The following TRIM34 variants were observed in gnomAD, a reference collection of about 807,000 sequenced individuals.
TRIM34 encodes the protein tripartite motif containing 34.
A neutral mutation model predicts 38.1 loss-of-function variants in TRIM34; 41 were observed. The observed-to-expected ratio is 1.08, with a 90% CI of 0.84 to 1.40. TRIM34 has a LOEUF of 1.40. Ranked by LOEUF, TRIM34 falls within the 40% of genes most tolerant of loss-of-function variation. The pLI is 0.00. For synonymous variants in TRIM34, 200 were observed against 202.5 expected, an observed-to-expected ratio of 0.99 and a Z score of 0.10; for missense variants, 556 against 571.4, an observed-to-expected ratio of 0.97 and a Z score of 0.27.
At chr11:5,635,387 T>A (rs1455587811) in intron 4 of TRIM34, among the ~76,000 whole-genome samples, 1 of 151,842 alleles carries the variant, frequency 6.6e-6, no homozygotes, top group East Asian at 1.9e-4. Context: ...CCCGAGTAGC[T>A]GGGACTACAG....
upstream of TRIM34, among the ~76,000 whole-genome samples, chr11:5,620,190 T>TTTTTTA (rs1848935569): frequency 1.6e-5 from 2 of 123,956 alleles, no homozygotes; most frequent in South Asian, 5.5e-4. Flanking sequence ...TTTTTTTTTT[T>TTTTTTA]TTGTTGAGAC....
In TRIM34 at chr11:5,632,476, A is replaced by G. The variant is rs923192702; in HGVS notation, c.145A>G (p.Ser49Gly). Residue 49 changes from serine (S) to glycine (G), a missense_variant, in exon 2 of 8, where the codon AGC becomes GGC. By Grantham distance (56) the Ser-to-Gly change is moderately conservative. Coordinates refer to ENST00000429814, the MANE Select transcript of TRIM34 (RefSeq NM_021616.6). ...TGTGAGCAACAAGGAGGCAGTGACC[A>G]GCATGGGAGGAAAAAGCAGCTGTCC... ...ITVSNKEAVT[S>G]MGGKSSCPVC... 26 of 1,614,100 alleles carry G rather than the reference A, an allele frequency of 1.6e-5. No homozygotes were observed. The highest frequency in any genetic ancestry group is 2.2e-5 in the Non-Finnish European group (26 of 1,179,998).
At position 5,642,863 on chromosome 11, in the gene TRIM34, TA is replaced by T; in HGVS notation, c.901+23del. On this transcript the variant is annotated intron_variant, in intron 7 of 7. Transcript: ENST00000429814. Reference sequence around the variant, plus strand: ...ACTGGGGTAAGAAAAAGTTAGTCTTTAAATAACTGTTTTCCAATTACCTTTC... The same window carrying T: ...ACTGGGGTAAGAAAAAGTTAGTCTTTAATAACTGTTTTCCAATTACCTTTC... The T allele has an allele frequency of 6.2e-7, 1 of 1,613,820 alleles. No individual in the cohort carries two copies. The highest frequency in any genetic ancestry group is 8.5e-7 in the Non-Finnish European group (1 of 1,179,852).
At chr11:5,623,429 G>A (rs1849066805), upstream of TRIM34, among the ~76,000 whole-genome samples, 1 of 151,786 alleles carries the variant, frequency 6.6e-6, no homozygotes, top group Non-Finnish European at 1.5e-5. Context: ...GTGCAGTGGT[G>A]CGATCTCGGC....
intron 4 of TRIM34, among the ~76,000 whole-genome samples, chr11:5,638,785 C>A (rs1188777771): frequency 6.6e-6 from 1 of 152,132 alleles, no homozygotes; most frequent in Non-Finnish European, 1.5e-5. Context: ...AGAATGAAGT[C>A]TAGCTGCTTT....
chr11:5,633,986 A>G, intron 3 of TRIM34, 87 bp downstream of exon 3: 1 of 1,411,234 alleles, frequency 7.1e-7, no homozygotes, highest in Admixed American at 2.0e-5. Flanking sequence ...ATTCCTTGAC[A>G]TTGCATGAGT....
rs201925808 is a variant in TRIM34 at position 5,632,290 on chromosome 11, G to C, written c.-42G>C. 3 of 1,613,178 alleles carry C rather than the reference G, an allele frequency of 1.9e-6. No homozygotes were observed. The highest frequency in any genetic ancestry group is 1.3e-5 in the African/African-American group (1 of 74,860). On this transcript the variant is annotated 5_prime_UTR_variant, in exon 2 of 8. Coordinates refer to ENST00000429814, the MANE Select transcript of TRIM34 (RefSeq NM_021616.6). ...GTCTTTAACCAGAAGAGAGAGGAGA[G>C]CCTCAGGAGTTAGGACCAGAAGAAG...
At chr11:5,624,807 A>G (rs1849129709), upstream of TRIM34, 1 of 152,156 alleles carries the variant, frequency 6.6e-6, no homozygotes. Context: ...CTCGAGAATC[A>G]CTGGATTAAG....
Position 5,632,614 on chromosome 11 carries a change from G to C in TRIM34, c.283G>C (p.Asp95His). Residue 95 changes from aspartate to histidine, a missense_variant, in exon 2 of 8, where the codon GAT becomes CAT. By Grantham distance (81) the Asp-to-His change is moderately conservative. Transcript: ENST00000429814. ...GAGCCCAGACAATGGGAAGAAGAGA[G>C]ATCTCTGTGATCATCATGGAGAGAA... ...KLSPDNGKKR[D>H]LCDHHGEKLL... 1 of 1,613,450 alleles carries C rather than the reference G, an allele frequency of 6.2e-7. No individual in the cohort carries two copies. The highest frequency in any genetic ancestry group is 8.5e-7 in the Non-Finnish European group (1 of 1,179,868).
chr11:5,631,245 A>G (rs1224195802), intron 1 of TRIM34, among the ~76,000 whole-genome samples: 2 of 152,152 alleles, frequency 1.3e-5, no homozygotes, highest in East Asian at 1.9e-4. Context: ...GAAATTCCCA[A>G]CTTATGTGGT....
intron 2 of TRIM34, among the ~76,000 whole-genome samples, chr11:5,633,588 G>A (rs1038257320): frequency 6.6e-6 from 1 of 152,176 alleles, no homozygotes; most frequent in Non-Finnish European, 1.5e-5. Context: ...ACAGAATCAG[G>A]CTACTCCTTT....
At chr11:5,630,542 C>T (rs765159988) in intron 1 of TRIM34, among the ~76,000 whole-genome samples, 2 of 152,184 alleles carry the variant, frequency 1.3e-5, no homozygotes, top group African/African-American at 2.4e-5. Context: ...TAAAAACTTT[C>T]GAACATGTTA....
intron 1 of TRIM34, among the ~76,000 whole-genome samples, chr11:5,626,270 C>T (rs1329419230): frequency 2.0e-5 from 3 of 152,048 alleles, no homozygotes; most frequent in Non-Finnish European, 2.9e-5. Flanking sequence ...ATGAAATATA[C>T]GTGGAAGCCT....
At chr11:5,637,140 T>C (rs902393364) in intron 4 of TRIM34, among the ~76,000 whole-genome samples, 6 of 150,728 alleles carry the variant, frequency 4.0e-5, no homozygotes, top group Admixed American at 1.3e-4. Context: ...GCCACTGCAC[T>C]CCAGCCTGGG....
chr11:5,632,108 C>T (rs1195041416), intron 1 of TRIM34, 147 bp from the exon 2 acceptor site: 2 of 1,145,074 alleles, frequency 1.7e-6, no homozygotes, highest in Non-Finnish European at 2.4e-6. Flanking sequence ...TAACAGCTCG[C>T]CCAGACCACT....
Position 5,643,128 on chromosome 11 carries a change from T to A in TRIM34, c.902-16T>A, listed in dbSNP as rs374386649. 26,068 of 1,310,166 alleles carry A rather than the reference T, an allele frequency of 0.02. 586 individuals are homozygous for A. Among genetic ancestry groups the A allele is most frequent in the African/African-American group, 0.042 (2,849 of 67,626 alleles). 81.2% of individuals were successfully genotyped at this position (1,310,166 alleles called of 1,614,324 possible). A position where few individuals can be genotyped will look rare whatever the true frequency, so the allele number is the denominator to read the frequency against. On this transcript the variant is annotated splice_polypyrimidine_tract_variant and intron_variant, in intron 7 of 7. Transcript: ENST00000429814. The stretch of plus-strand genomic sequence containing the variant: ...ATATTCATATACATATATATATATT[T>A]TTTTTTTTCTTGCAGTGGATGTCAC...
upstream of TRIM34, among the ~76,000 whole-genome samples, chr11:5,623,307 G>GC (rs1849060872): frequency 1.3e-5 from 2 of 151,720 alleles, no homozygotes. Context: ...GAAAGTATTA[G>GC]GTTGGTACAA....
Position 5,635,341 on chromosome 11 carries a change from C to T in TRIM34, c.750+480C>T, listed in dbSNP as rs535259240. ...TGCGATCTCGGCTCACTGCAAGCTC[C>T]GCCTCCCAGGTTCACGCCATTCTCC... is the stretch of plus-strand genomic sequence containing the variant. On this transcript the variant is annotated intron_variant, in intron 4 of 7. Coordinates refer to ENST00000429814, the MANE Select transcript of TRIM34 (RefSeq NM_021616.6). 1.1e-4 allele frequency among the ~76,000 whole-genome samples: 17 copies of T among 151,472 alleles called. No individual in the cohort carries two copies. The South Asian group carries it at 3.4e-3, about 30-fold the overall frequency.
chr11:5,636,024 C>A (rs1849719440), intron 4 of TRIM34, among the ~76,000 whole-genome samples: 1 of 152,176 alleles, frequency 6.6e-6, no homozygotes. Flanking sequence ...CCTAGCCATT[C>A]CATTCCTACC....
Sources: allele counts gnomAD v4.1 joint callset (sites outside exome capture counted in the v4.1 genomes callset), GRCh38; gene constraint gnomAD v4.1.1; transcripts MANE v1.5; gene names NCBI Gene and HGNC (gene_info 2026-07-23, HGNC 2026-07-21).